The following JAG2 variants were observed in gnomAD, a reference collection of about 807,000 sequenced individuals.
The protein encoded by JAG2 is protein jagged-2.
JAG2 carries 46 observed loss-of-function variants against 141.7 expected under a neutral mutation model. The observed-to-expected ratio is 0.32, with a 90% CI of 0.26 to 0.42. JAG2 has a LOEUF of 0.42. JAG2 is among the 10% of genes least tolerant of loss of function. The pLI, the probability that JAG2 is intolerant of heterozygous loss-of-function variation, is 1.00. For missense variants in JAG2, 1,500 were observed against 1,817.5 expected (o/e 0.83, Z 3.18); for synonymous variants, 862 against 763.5 (o/e 1.13, Z -2.13).
chr14:105,144,328 C>T (rs2140969890), intron 24 of JAG2, among the ~76,000 whole-genome samples: 1 of 152,258 alleles, frequency 6.6e-6, no homozygotes, highest in East Asian at 1.9e-4. Flanking sequence ...ACTGCCCTTC[C>T]ATCACCCAGC....
chr14:105,147,696 T>TG lies in JAG2; in HGVS notation c.2365+75dup, dbSNP rs1057267240. 1.7e-5 allele frequency: 18 copies of TG among 1,049,274 alleles called. No individual in the cohort carries two copies. The African/African-American group carries it at 2.4e-4, about 14-fold the overall frequency. The allele number at this position is 1,049,274 out of a possible 1,614,324, so 65.0% of individuals were successfully genotyped here. A position where few individuals can be genotyped will look rare whatever the true frequency, so the allele number is the denominator to read the frequency against. On this transcript the variant is annotated intron_variant, in intron 18 of 25. Coordinates refer to ENST00000331782, the MANE Select transcript of JAG2 (RefSeq NM_002226.5). ...AGGGGGAGGGGCTGGCAGAAGGGAC[T>TG]GGGGGGCGAGTCGGGGGCAGGGATG...
intron 24 of JAG2, among the ~76,000 whole-genome samples, chr14:105,144,168 AC>A (rs1888152918): frequency 1.1e-5 from 1 of 87,760 alleles, no homozygotes; most frequent in Non-Finnish European, 2.4e-5. Context: ...CCCAGCCCCC[AC>A]CCCCACCTAT....
At chr14:105,163,215 G>A (rs1045099994) in intron 2 of JAG2, among the ~76,000 whole-genome samples, 43 of 152,360 alleles carry the variant, frequency 2.8e-4, no homozygotes, top group African/African-American at 1.0e-3. Flanking sequence ...CTTCTGAGAG[G>A]CCCAGGCCTC....
At chr14:105,156,419 A>G (rs1211613009) in intron 3 of JAG2, among the ~76,000 whole-genome samples, 1 of 152,112 alleles carries the variant, frequency 6.6e-6, no homozygotes, top group Non-Finnish European at 1.5e-5. Flanking sequence ...CATGGTGCTC[A>G]GTTGCCCTCC....
chr14:105,146,154 C>G (rs999489644), intron 22 of JAG2, among the ~76,000 whole-genome samples, 181 bp from the exon 23 acceptor site: 1 of 152,144 alleles, frequency 6.6e-6, no homozygotes, highest in Non-Finnish European at 1.5e-5. Flanking sequence ...AGGCCAAGCT[C>G]GACATCAGAA....
intron 4 of JAG2, 54 bp downstream of exon 4, chr14:105,155,684 G>C (rs587704920): frequency 2.8e-5 from 45 of 1,612,162 alleles, no homozygotes; most frequent in Admixed American, 3.3e-5. Context: ...GCCTGTGCCC[G>C]GGGCCCTGCC....
chr14:105,142,050 G>A lies in JAG2; in HGVS notation c.*645C>T, dbSNP rs143673839. 8.1e-3 allele frequency: 1,239 copies of A among 153,078 alleles called. 18 individuals carry two copies. Among genetic ancestry groups the A allele is most frequent in the Middle Eastern group, 0.047 (14 of 298 alleles). 9.5% of individuals were successfully genotyped at this position (153,078 alleles called of 1,614,324 possible). On this transcript the variant is annotated 3_prime_UTR_variant, in exon 26 of 26. Coordinates refer to ENST00000331782, the MANE Select transcript of JAG2 (RefSeq NM_002226.5). Reference sequence around the variant, plus strand: ...AGGCAGGGTGGACTGGCCAGCAAGCGCGAGGTTGACCTGCCAGCCTTGGGC... The same window carrying A: ...AGGCAGGGTGGACTGGCCAGCAAGCACGAGGTTGACCTGCCAGCCTTGGGC...
rs1185572043 is a variant in JAG2, at chr14:105,146,503, G to A, written c.2594-3C>T. On this transcript the variant is annotated splice_region_variant and splice_polypyrimidine_tract_variant and intron_variant, in intron 21 of 25. Transcript: ENST00000331782. Reference sequence around the variant, plus strand: ...GCAGGATCTCCCGAACCCGATCACTGTGGGGAGAAGGGGCTCGAGGGTCAG... The same window carrying A: ...GCAGGATCTCCCGAACCCGATCACTATGGGGAGAAGGGGCTCGAGGGTCAG... The A allele has an allele frequency of 6.2e-7, 1 of 1,612,060 alleles. No homozygotes were observed. Among genetic ancestry groups the A allele is most frequent in the Non-Finnish European group, 8.5e-7 (1 of 1,179,380 alleles).
chr14:105,158,102 G>A (rs1415874831), intron 2 of JAG2, among the ~76,000 whole-genome samples: 4 of 152,142 alleles, frequency 2.6e-5, no homozygotes, highest in East Asian at 1.9e-4. Context: ...TGGGCAAAGG[G>A]CAGCCTGGCT....
intron 2 of JAG2, among the ~76,000 whole-genome samples, chr14:105,160,692 A>G (rs921626323): frequency 6.6e-6 from 1 of 151,896 alleles, no homozygotes; most frequent in Non-Finnish European, 1.5e-5. Context: ...GTTAATCCTC[A>G]TCTCTACTAA....
chr14:105,147,758 C>A lies in JAG2; in HGVS notation c.2365+14G>T. 1 of 1,520,444 alleles carries A rather than the reference C, an allele frequency of 6.6e-7. No homozygotes were observed. Among genetic ancestry groups the A allele is most frequent in the South Asian group, 1.2e-5 (1 of 83,476 alleles). 94.2% of individuals were successfully genotyped at this position (1,520,444 alleles called of 1,614,324 possible). On this transcript the variant is annotated intron_variant, in intron 18 of 25. Coordinates refer to ENST00000331782, the MANE Select transcript of JAG2 (RefSeq NM_002226.5). ...GAGGAAAGCGGCCCCCGCCCACACC[C>A]CTCCCACACTCACTGTGAGTGCAAG...
intron 17 of JAG2, 38 bp downstream of exon 17, chr14:105,148,078 T>C: frequency 2.0e-6 from 3 of 1,490,768 alleles, no homozygotes; most frequent in Non-Finnish European, 2.7e-6. Flanking sequence ...TGGGAGGGCA[T>C]ATGCCCGGCG....
intron 5 of JAG2, among the ~76,000 whole-genome samples, chr14:105,155,179 C>T (rs969677749): frequency 4.0e-5 from 6 of 151,852 alleles, no homozygotes; most frequent in East Asian, 1.9e-4. Flanking sequence ...TCTGCTCTGC[C>T]GCCCCTCGCC....
chr14:105,151,364 C>G lies in JAG2; in HGVS notation c.1186G>C (p.Ala396Pro). ...IDECASNPCAAGGTCVDQVDG... is the reference protein window; with the variant it reads ...IDECASNPCAPGGTCVDQVDG... The stretch of plus-strand genomic sequence containing the variant: ...ACCTGGTCCACACAGGTGCCACCGG[C>G]CGCACACGGGTTCGAAGCACACTCA... The change falls in exon 9 of 26, where the codon GCC becomes CCC. Residue 396 changes from alanine to proline, a missense_variant. By Grantham distance (27) the Ala-to-Pro change is conservative. Coordinates refer to ENST00000331782, the MANE Select transcript of JAG2 (RefSeq NM_002226.5). 1 of 1,612,260 alleles carries G rather than the reference C, an allele frequency of 6.2e-7. No homozygotes were observed.
Position 105,146,731 on chromosome 14 carries a change from G to T in JAG2, c.2480-7C>A. On this transcript the variant is annotated splice_polypyrimidine_tract_variant and splice_region_variant and intron_variant, in intron 20 of 25. Coordinates refer to ENST00000331782, the MANE Select transcript of JAG2 (RefSeq NM_002226.5). ...GACTGGCACTCGTCGATGTCTGCAGGGAGAGCCACCGCTGCTCAGTGCAGT... is the reference window on the plus strand; with the variant it reads ...GACTGGCACTCGTCGATGTCTGCAGTGAGAGCCACCGCTGCTCAGTGCAGT... 1 of 1,605,082 alleles carries T rather than the reference G, an allele frequency of 6.2e-7. No homozygotes were observed. The highest frequency in any genetic ancestry group is 8.5e-7 in the Non-Finnish European group (1 of 1,173,372).
rs1318854965 is a variant in JAG2, at chr14:105,148,149, G to A, written c.2215C>T (p.Pro739Ser). 1.9e-6 allele frequency: 3 copies of A among 1,549,980 alleles called. No homozygotes were observed. Among genetic ancestry groups the A allele is most frequent in the Non-Finnish European group, 2.6e-6 (3 of 1,146,800 alleles). Residue 739 changes from proline to serine, a missense_variant, in exon 17 of 26, where the codon CCC (proline) becomes TCC (serine). Physicochemically the swap from Pro to Ser is moderately conservative, Grantham distance 74. Around this residue, in one of 3 missense-constraint regions of JAG2, gnomAD observed 875 missense variants for 1,202.2 expected, o/e 0.73. Coordinates refer to ENST00000331782, the MANE Select transcript of JAG2 (RefSeq NM_002226.5). ...CAGGTGCTGCCCTTCCAGCCGGGGG[G>A]GCAGGCGCAGCGGAAGGTGTCGCCG... is the stretch of plus-strand genomic sequence containing the variant. ...DSGDTFRCAC[P>S]PGWKGSTCAV...
rs1316803577 is a variant in JAG2, at chr14:105,143,133, C to T, written c.3279G>A (p.Val1093=). Residue 1093 remains valine (V), a synonymous_variant, in exon 26 of 26, where the codon GTG becomes GTA. Transcript: ENST00000331782. ...LVPVLCGAFS[V]LWLACVVLCV... ...ACAGGACCACGCACGCCAGCCACAG[C>T]ACGCTGAAGGCACCACACAGCACAG... 6.3e-7 allele frequency: 1 copy of T among 1,598,980 alleles called. No homozygotes were observed. Among genetic ancestry groups the T allele is most frequent in the Non-Finnish European group, 8.5e-7 (1 of 1,179,692 alleles).
rs1888229027 is a variant in JAG2, at chr14:105,146,513, G to A, written c.2594-13C>T. ...CCGAACCCGATCACTGTGGGGAGAA[G>A]GGGCTCGAGGGTCAGCAGTGGGCAT... On this transcript the variant is annotated splice_polypyrimidine_tract_variant and intron_variant, in intron 21 of 25. Coordinates refer to ENST00000331782, the MANE Select transcript of JAG2 (RefSeq NM_002226.5). 6.2e-7 allele frequency: 1 copy of A among 1,611,316 alleles called. No individual in the cohort carries two copies. Among genetic ancestry groups the A allele is most frequent in the African/African-American group, 1.3e-5 (1 of 75,006 alleles).
rs587597553 is a variant in JAG2 at position 105,148,085 on chromosome 14, G to A, written c.2248+31C>T. On this transcript the variant is annotated intron_variant, in intron 17 of 25. Coordinates refer to ENST00000331782, the MANE Select transcript of JAG2 (RefSeq NM_002226.5). ...GCGGTGCCTGGGAGGGCATATGCCCGGCGGTCGCAGAGGCAGCGGGGGCTC... is the reference window on the plus strand; with the variant it reads ...GCGGTGCCTGGGAGGGCATATGCCCAGCGGTCGCAGAGGCAGCGGGGGCTC... 2.0e-4 allele frequency: 304 copies of A among 1,508,744 alleles called. No individual in the cohort carries two copies. The Admixed American group carries it at 4.9e-3, about 24-fold the overall frequency. 93.5% of individuals were successfully genotyped at this position (1,508,744 alleles called of 1,614,324 possible).
Sources: gnomAD v4.1 joint callset for allele counts (sites outside exome capture counted in the v4.1 genomes callset) on GRCh38, gnomAD v4.1.1 for gene constraint, gnomAD v4.1.1 regional missense constraint, MANE v1.5 for transcripts, NCBI Gene and HGNC (gene_info 2026-07-23, HGNC 2026-07-21) for gene names.